Variants in DNAH5 observed in about 807,000 individuals in gnomAD.
DNAH5 encodes axonemal beta dynein heavy chain 5.
Under a neutral mutation model 518.2 loss-of-function variants are expected in DNAH5, and 372 were observed. The observed-to-expected ratio is 0.72, with a 90% CI of 0.66 to 0.78. The LOEUF is 0.78. Among genes scored for constraint, DNAH5 ranks in the 30% least tolerant of loss-of-function variants. The probability of loss-of-function intolerance (pLI) is 0.00; values close to 1 mark genes in which losing one functional copy is unlikely to be tolerated. For missense variants in DNAH5, 5,523 were observed against 5,687.0 expected (o/e 0.97, Z 0.93); for synonymous variants, 2,039 against 2,025.9 (o/e 1.01, Z -0.17).
At chr5:13,884,635 G>A (rs957012424) in intron 19 of DNAH5, among the ~76,000 whole-genome samples, 82 of 152,292 alleles carry the variant, frequency 5.4e-4, no homozygotes, top group African/African-American at 1.8e-3. Context: ...TCAGGAGTTC[G>A]CCACCAGCGT....
At chr5:13,788,526 G>A (rs575713581) in intron 51 of DNAH5, among the ~76,000 whole-genome samples, 190 bp downstream of exon 51, 10 of 152,200 alleles carry the variant, frequency 6.6e-5, no homozygotes, top group South Asian at 2.1e-4. Context: ...AAACTAGTTC[G>A]TCTTTAAACT....
intron 72 of DNAH5, 126 bp from the exon 73 acceptor site, chr5:13,717,646 G>C (rs1744487467): frequency 2.4e-6 from 2 of 842,042 alleles, no homozygotes; most frequent in Non-Finnish European, 3.9e-6. Flanking sequence ...TTGTTTTTAT[G>C]ACACTCATGT....
chr5:13,836,205 G>A (rs965321763), intron 35 of DNAH5, among the ~76,000 whole-genome samples: 3 of 152,194 alleles, frequency 2.0e-5, no homozygotes, highest in Non-Finnish European at 2.9e-5. Context: ...GCACTTTTGT[G>A]AGGCTGATCA....
intron 59 of DNAH5, among the ~76,000 whole-genome samples, chr5:13,763,916 T>G (rs1325722392): frequency 2.0e-5 from 3 of 152,220 alleles, no homozygotes; most frequent in African/African-American, 7.2e-5. Context: ...AGTCCAAGTC[T>G]ATTGGCAGAG....
At chr5:13,802,976 T>C (rs1295199776) in intron 47 of DNAH5, among the ~76,000 whole-genome samples, 1 of 105,530 alleles carries the variant, frequency 9.5e-6, no homozygotes, top group Non-Finnish European at 2.2e-5. Flanking sequence ...GCATTAATGA[T>C]ATAATATATA....
intron 55 of DNAH5, among the ~76,000 whole-genome samples, chr5:13,775,468 G>A (rs1753951295): frequency 6.6e-6 from 1 of 151,696 alleles, no homozygotes; most frequent in Admixed American, 6.6e-5. Context: ...ATGGATCGAT[G>A]GATAGATAAT....
intron 29 of DNAH5, among the ~76,000 whole-genome samples, 160 bp from the exon 30 acceptor site, chr5:13,859,765 C>T (rs1171745680): frequency 6.6e-6 from 1 of 152,108 alleles, no homozygotes; most frequent in Admixed American, 6.5e-5. Context: ...TAATTCATCC[C>T]CACTTACTGT....
In DNAH5 at chr5:13,871,710, C is replaced by A; in HGVS notation, c.3452G>T (p.Gly1151Val). The A allele has an allele frequency of 6.2e-7, 1 of 1,613,638 alleles. No individual in the cohort carries two copies. The highest frequency in any genetic ancestry group is 1.3e-5 in the African/African-American group (1 of 75,010). Reference protein sequence around the residue: ...FKRYNHIWQKGKEEAIKTFIT... With the variant: ...FKRYNHIWQKVKEEAIKTFIT... ...AAATGTCTTAATGGCTTCTTCTTTT[C>A]CCTTTTGCCAAATGTGATTGTAGCG... Residue 1151 changes from glycine (G) to valine (V), a missense_variant, in exon 23 of 79, where the codon GGA becomes GTA. By Grantham distance (109) the Gly-to-Val change is moderately radical. Transcript: ENST00000265104.
At chr5:13,727,078 G>A (rs1745841356) in intron 70 of DNAH5, among the ~76,000 whole-genome samples, 2 of 152,156 alleles carry the variant, frequency 1.3e-5, no homozygotes, top group South Asian at 2.1e-4. Context: ...ACTACGGTTT[G>A]GGCACACTGT....
rs534316008 is a variant in DNAH5, at chr5:13,939,344, A to G, written c.57+5038T>C. On this transcript the variant is annotated intron_variant, in intron 1 of 78. Coordinates refer to ENST00000265104, the MANE Select transcript of DNAH5 (RefSeq NM_001369.3). ...GGATCCATGCTGTTGTGCCTGGAACATAAGTGACTACACAGAATTCTACCC... is the reference window on the plus strand; with the variant it reads ...GGATCCATGCTGTTGTGCCTGGAACGTAAGTGACTACACAGAATTCTACCC... 7.9e-5 allele frequency among the ~76,000 whole-genome samples: 12 copies of G among 152,338 alleles called. No individual in the cohort carries two copies. The East Asian group carries it at 1.7e-3, about 22-fold the overall frequency.
intron 1 of DNAH5, among the ~76,000 whole-genome samples, chr5:13,949,737 T>A (rs1391599974): frequency 1.3e-5 from 2 of 152,170 alleles, no homozygotes; most frequent in African/African-American, 2.4e-5. Context: ...GTGTAAGAAT[T>A]AGGAATATTG....
At chr5:13,981,387 C>A (rs1260921439) in intron 1 of DNAH5, among the ~76,000 whole-genome samples, 2 of 152,206 alleles carry the variant, frequency 1.3e-5, no homozygotes, top group Non-Finnish European at 2.9e-5. Flanking sequence ...TAGAGTGGAA[C>A]ATTATTAAAG....
In DNAH5 at chr5:13,691,764, T is replaced by C. The variant is rs1740720224; in HGVS notation, c.*220A>G. ...CATTAGGATGCTGTAAATTTACTTTTATATCACTAAATAACATTTTCAACA... is the reference window on the plus strand; with the variant it reads ...CATTAGGATGCTGTAAATTTACTTTCATATCACTAAATAACATTTTCAACA... On this transcript the variant is annotated 3_prime_UTR_variant, in exon 79 of 79. Coordinates refer to ENST00000265104, the MANE Select transcript of DNAH5 (RefSeq NM_001369.3). 3.5e-6 allele frequency: 2 copies of C among 578,670 alleles called. No individual in the cohort carries two copies. The highest frequency in any genetic ancestry group is 3.1e-5 in the Admixed American group (1 of 32,650). 35.8% of individuals were successfully genotyped at this position (578,670 alleles called of 1,614,324 possible). A position where few individuals can be genotyped will look rare whatever the true frequency, so the allele number is the denominator to read the frequency against.
chr5:13,833,312 G>A (rs370140490), intron 35 of DNAH5, among the ~76,000 whole-genome samples: 1 of 151,770 alleles, frequency 6.6e-6, no homozygotes. Context: ...GGCGGCACAC[G>A]CCTGTAATCC....
At chr5:13,745,013 C>A (rs551276027) in intron 65 of DNAH5, among the ~76,000 whole-genome samples, 1 of 152,146 alleles carries the variant, frequency 6.6e-6, no homozygotes, top group African/African-American at 2.4e-5. Context: ...GTCAGTTTCA[C>A]CAAGTTCAGG....
rs139586855 is a variant in DNAH5, at chr5:13,918,316, G to A, written c.975+860C>T. Among the ~76,000 whole-genome samples, 395 of 152,236 alleles carry A rather than the reference G, an allele frequency of 2.6e-3. 1 individual carries two copies. Among genetic ancestry groups the A allele is most frequent in the Admixed American group, 4.4e-3 (67 of 15,290 alleles). On this transcript the variant is annotated intron_variant, in intron 7 of 78. Transcript: ENST00000265104. The stretch of plus-strand genomic sequence containing the variant: ...ACTGAATCCAGCAACAACCAGATGA[G>A]TAAACTCAGAAGCAGATCTTCCCCG...
intron 50 of DNAH5, among the ~76,000 whole-genome samples, chr5:13,791,197 A>G (rs931794959): frequency 6.6e-6 from 1 of 152,136 alleles, no homozygotes; most frequent in African/African-American, 2.4e-5. Flanking sequence ...TGCTTAATGA[A>G]CAGTTTTGTT....
intron 1 of DNAH5, among the ~76,000 whole-genome samples, chr5:13,984,008 G>T (rs1331297952): frequency 6.6e-6 from 1 of 152,168 alleles, no homozygotes; most frequent in East Asian, 1.9e-4. Flanking sequence ...CTAATCAGCT[G>T]ATTTACAAAT....
intron 60 of DNAH5, among the ~76,000 whole-genome samples, chr5:13,759,981 CT>C (rs1751558718): frequency 6.6e-6 from 1 of 152,150 alleles, no homozygotes; most frequent in Admixed American, 6.5e-5. Context: ...CCATAATTGA[CT>C]AGATCCAGTG....
Sources: allele counts gnomAD v4.1 joint callset (sites outside exome capture counted in the v4.1 genomes callset), GRCh38; gene constraint gnomAD v4.1.1; transcripts MANE v1.5; gene names NCBI Gene and HGNC (gene_info 2026-07-23, HGNC 2026-07-21).